IGSF3: variants seen among roughly 807,000 people sequenced by gnomAD.
IGSF3 encodes immunoglobulin superfamily member 3, also known as glu-Trp-Ile EWI motif-containing protein 3.
Under a neutral mutation model 114.4 loss-of-function variants are expected in IGSF3, and 23 were observed. The observed-to-expected ratio is 0.20, with a 90% CI of 0.14 to 0.28. IGSF3 has a LOEUF of 0.28. Among genes scored for constraint, IGSF3 ranks in the 10% least tolerant of loss-of-function variants. The pLI, the probability that IGSF3 is intolerant of heterozygous loss-of-function variation, is 1.00. For missense variants in IGSF3, 1,172 were observed against 1,591.5 expected (o/e 0.74, Z 4.48); for synonymous variants, 571 against 645.2 (o/e 0.88, Z 1.74).
rs772969537 is a variant in IGSF3, at chr1:116,577,401, G to A, written c.3496C>T (p.Leu1166=). 1.9e-6 allele frequency: 3 copies of A among 1,614,196 alleles called. No individual in the cohort carries two copies. The highest frequency in any genetic ancestry group is 2.5e-6 in the Non-Finnish European group (3 of 1,180,022). ...AGGTGTGGCTCTTTGATCCACAGCA[G>A]AGGCACCCCATTCTTCCCATCAGAG... ...KNSDGKNGVP[L]LWIKEPHLNY... Residue 1166 remains leucine (L), a synonymous_variant, in exon 11 of 11, where the codon CTG becomes TTG. Coordinates refer to ENST00000369486, the MANE Select transcript of IGSF3 (RefSeq NM_001007237.3). The surrounding 1 kb of genome is among the most constrained non-coding windows in gnomAD (Gnocchi z 5.7).
rs1648470586 is a variant in IGSF3 at position 116,647,960 on chromosome 1, T to C, written c.43+18324A>G. ...CTCTACTACAAATACAAAAATTAGC[T>C]GGGTGTGATGGCACACGCCTGTAAT... On this transcript the variant is annotated intron_variant, in intron 2 of 10. Transcript: ENST00000369486. The surrounding 1 kb of genome is among the most constrained non-coding windows in gnomAD (Gnocchi z 4.6). 6.6e-6 allele frequency among the ~76,000 whole-genome samples: 1 copy of C among 152,120 alleles called. No homozygotes were observed. Among genetic ancestry groups the C allele is most frequent in the Non-Finnish European group, 1.5e-5 (1 of 68,018 alleles).
rs746939093 is a variant in IGSF3, at chr1:116,603,924, C to G, written c.1324G>C (p.Gly442Arg). 1 of 1,614,004 alleles carries G rather than the reference C, an allele frequency of 6.2e-7. No homozygotes were observed. The highest frequency in any genetic ancestry group is 8.5e-7 in the Non-Finnish European group (1 of 1,180,016). Residue 442 changes from glycine to arginine, a missense_variant, in exon 6 of 11, where the codon GGT (glycine) becomes CGT (arginine). Gly to Arg is a moderately radical substitution (Grantham distance 125). Transcript: ENST00000369486. The surrounding 1 kb of genome is among the most constrained non-coding windows in gnomAD (Gnocchi z 7.1). ...AGCTGCCAGATGACAGAGAAGCGACCCTGCGGCCTGCCTGCCGTGCGGACA... is the reference window on the plus strand; with the variant it reads ...AGCTGCCAGATGACAGAGAAGCGACGCTGCGGCCTGCCTGCCGTGCGGACA... ...CSVRTAGRPQGRFSVIWQLVD... is the reference protein window; with the variant it reads ...CSVRTAGRPQRRFSVIWQLVD...
At chr1:116,630,107 G>A (rs1647490554) in intron 2 of IGSF3, among the ~76,000 whole-genome samples, 1 of 152,208 alleles carries the variant, frequency 6.6e-6, no homozygotes, top group Admixed American at 6.5e-5. Flanking sequence ...CAAGGGTCCT[G>A]GAGGGAATGG....
chr1:116,600,419 G>C lies in IGSF3; in HGVS notation c.1625-74C>G. The C allele has an allele frequency of 8.4e-7, 1 of 1,186,166 alleles. No individual in the cohort carries two copies. Among genetic ancestry groups the C allele is most frequent in the Non-Finnish European group, 1.2e-6 (1 of 828,402 alleles). 73.5% of individuals were successfully genotyped at this position (1,186,166 alleles called of 1,614,324 possible). A position where few individuals can be genotyped will look rare whatever the true frequency, so the allele number is the denominator to read the frequency against. On this transcript the variant is annotated intron_variant, in intron 6 of 10. Transcript: ENST00000369486. The surrounding 1 kb of genome is among the most constrained non-coding windows in gnomAD (Gnocchi z 5.5). Reference sequence around the variant, plus strand: ...CAGGGCAGTATGACATCAGCAATGGGGCAGCTGGCAAAGCAAGCAGTGTGG... The same window carrying C: ...CAGGGCAGTATGACATCAGCAATGGCGCAGCTGGCAAAGCAAGCAGTGTGG...
intron 4 of IGSF3, among the ~76,000 whole-genome samples, chr1:116,609,190 G>A (rs540026332): frequency 6.6e-6 from 1 of 152,040 alleles, no homozygotes; most frequent in African/African-American, 2.4e-5. Context: ...GACAGCCTCT[G>A]AAATGATTAC....
rs1647919525 is a variant in IGSF3 at position 116,638,112 on chromosome 1, A to G, written c.44-21655T>C. Among the ~76,000 whole-genome samples the G allele has an allele frequency of 1.3e-5, 2 of 152,096 alleles. No individual in the cohort carries two copies. The highest frequency in any genetic ancestry group is 1.3e-4 in the Admixed American group (2 of 15,276). The stretch of plus-strand genomic sequence containing the variant: ...CCCACACATCTTAAAAATAAACCAA[A>G]AATGTGTTATTCCAGCTACCCTCAC... On this transcript the variant is annotated intron_variant, in intron 2 of 10. Coordinates refer to ENST00000369486, the MANE Select transcript of IGSF3 (RefSeq NM_001007237.3). This position sits in a 1 kb window ranked among gnomAD's most constrained non-coding sequence, Gnocchi z 4.1.
chr1:116,630,329 T>C (rs1211755748), intron 2 of IGSF3, among the ~76,000 whole-genome samples: 1 of 152,224 alleles, frequency 6.6e-6, no homozygotes, highest in Non-Finnish European at 1.5e-5. Flanking sequence ...AAGTAGAGGC[T>C]TTCTCTCTGG....
chr1:116,575,741 G>A lies in IGSF3; in HGVS notation c.*1571C>T, dbSNP rs959258127. On this transcript the variant is annotated 3_prime_UTR_variant, in exon 11 of 11. Coordinates refer to ENST00000369486, the MANE Select transcript of IGSF3 (RefSeq NM_001007237.3). This position sits in a 1 kb window ranked among gnomAD's most constrained non-coding sequence, Gnocchi z 5.6. ...GTATAAGAACATCTTCATAAAGGGA[G>A]CAAAAGGAAATATTTGCAATTGATG... 1 of 152,240 alleles carries A rather than the reference G, an allele frequency of 6.6e-6. No homozygotes were observed. Among genetic ancestry groups the A allele is most frequent in the African/African-American group, 2.4e-5 (1 of 41,436 alleles). 9.4% of individuals were successfully genotyped at this position (152,240 alleles called of 1,614,324 possible).
intron 7 of IGSF3, among the ~76,000 whole-genome samples, chr1:116,590,739 T>C (rs543466130): frequency 7.8e-4 from 118 of 152,134 alleles, no homozygotes; most frequent in African/African-American, 2.7e-3. Flanking sequence ...AAGCTTGGTT[T>C]GGCAGCATCA....
Position 116,656,293 on chromosome 1 carries a change from CTTTTTTTTTTTTTTTT to C in IGSF3, c.43+9975_43+9990del, listed in dbSNP as rs56148691. Reference sequence around the variant, plus strand: ...ACTTTCACATTTTACTTTCTACATTCTTTTTTTTTTTTTTTTTTTTTTTTTTTGACGGAGTCTCACT... The same window carrying C: ...ACTTTCACATTTTACTTTCTACATTCTTTTTTTTTTTGACGGAGTCTCACT... On this transcript the variant is annotated intron_variant, in intron 2 of 10. Transcript: ENST00000369486. Among the ~76,000 whole-genome samples the C allele has an allele frequency of 4.8e-5, 3 of 62,474 alleles. No individual in the cohort carries two copies. The South Asian group carries it at 2.7e-3, about 57-fold the overall frequency. The allele number at this position is 62,474 out of a possible 152,430, so 41.0% of individuals were successfully genotyped here.
intron 2 of IGSF3, among the ~76,000 whole-genome samples, chr1:116,660,747 T>C (rs1243660358): frequency 6.6e-6 from 1 of 152,140 alleles, no homozygotes; most frequent in Non-Finnish European, 1.5e-5. Context: ...CGGCCACGTA[T>C]GCATTTTAAA....
At chr1:116,581,049 C>A (rs1312125234) in intron 9 of IGSF3, among the ~76,000 whole-genome samples, 2 of 152,208 alleles carry the variant, frequency 1.3e-5, no homozygotes, top group Non-Finnish European at 2.9e-5. Context: ...TTAAAACACC[C>A]ATGCAGTAAC....
Position 116,648,865 on chromosome 1 carries a change from C to A in IGSF3, c.43+17419G>T, listed in dbSNP as rs1276600802. Among the ~76,000 whole-genome samples the A allele has an allele frequency of 2.0e-5, 3 of 152,168 alleles. No individual in the cohort carries two copies. Among genetic ancestry groups the A allele is most frequent in the African/African-American group, 7.2e-5 (3 of 41,414 alleles). ...GCCTGTGGAGAGAGCAGCCTTCTCACCAGCACAGCTCATGAACAAGGATGC... is the reference window on the plus strand; with the variant it reads ...GCCTGTGGAGAGAGCAGCCTTCTCAACAGCACAGCTCATGAACAAGGATGC... On this transcript the variant is annotated intron_variant, in intron 2 of 10. Coordinates refer to ENST00000369486, the MANE Select transcript of IGSF3 (RefSeq NM_001007237.3). This position sits in a 1 kb window ranked among gnomAD's most constrained non-coding sequence, Gnocchi z 4.7.
In IGSF3 at chr1:116,577,233, G is replaced by C; in HGVS notation, c.*79C>G. 6.6e-7 allele frequency: 1 copy of C among 1,505,234 alleles called. No individual in the cohort carries two copies. The highest frequency in any genetic ancestry group is 9.0e-7 in the Non-Finnish European group (1 of 1,106,118). 93.2% of individuals were successfully genotyped at this position (1,505,234 alleles called of 1,614,324 possible). Reference sequence around the variant, plus strand: ...CACACACATGCACCCCAGAGTTTGGGTGCTGTCAACTGTCCAATCACAGAG... The same window carrying C: ...CACACACATGCACCCCAGAGTTTGGCTGCTGTCAACTGTCCAATCACAGAG... On this transcript the variant is annotated 3_prime_UTR_variant, in exon 11 of 11. Coordinates refer to ENST00000369486, the MANE Select transcript of IGSF3 (RefSeq NM_001007237.3). This position sits in a 1 kb window ranked among gnomAD's most constrained non-coding sequence, Gnocchi z 5.7.
At chr1:116,611,575 TC>T (rs1661024554) in intron 4 of IGSF3, among the ~76,000 whole-genome samples, 1 of 151,940 alleles carries the variant, frequency 6.6e-6, no homozygotes, top group Admixed American at 6.6e-5. Flanking sequence ...GAACTCAACA[TC>T]CGGAACTAGT....
chr1:116,666,649 C>A lies in IGSF3; in HGVS notation c.-323G>T. 1.6e-5 allele frequency: 9 copies of A among 555,554 alleles called. No homozygotes were observed. The highest frequency in any genetic ancestry group is 7.6e-5 in the African/African-American group (4 of 52,902). The allele number at this position is 555,554 out of a possible 1,614,324, so 34.4% of individuals were successfully genotyped here. A position where few individuals can be genotyped will look rare whatever the true frequency, so the allele number is the denominator to read the frequency against. ...GTAGTGGATTAATCCTCCAGAAGCA[C>A]GGAAAAAAGGGTCTGAGAAAATCCT... On this transcript the variant is annotated 5_prime_UTR_variant, in exon 2 of 11. Coordinates refer to ENST00000369486, the MANE Select transcript of IGSF3 (RefSeq NM_001007237.3).
rs184498525 is a variant in IGSF3, at chr1:116,612,633, T to C, written c.832+1132A>G. On this transcript the variant is annotated intron_variant, in intron 4 of 10. Coordinates refer to ENST00000369486, the MANE Select transcript of IGSF3 (RefSeq NM_001007237.3). This position sits in a 1 kb window ranked among gnomAD's most constrained non-coding sequence, Gnocchi z 4.1. ...AACAGGGAGCCCAAGAGACAGGTCCTGACGAAGGACCCCACCTGTACTGCA... is the reference window on the plus strand; with the variant it reads ...AACAGGGAGCCCAAGAGACAGGTCCCGACGAAGGACCCCACCTGTACTGCA... 5.3e-4 allele frequency among the ~76,000 whole-genome samples: 81 copies of C among 152,382 alleles called. 2 individuals are homozygous for C. Among genetic ancestry groups the C allele is most frequent in the African/African-American group, 1.8e-3 (76 of 41,588 alleles).
In IGSF3 at chr1:116,615,187, T is replaced by C. The variant is rs113230671; in HGVS notation, c.421+893A>G. ...TACTCGGGAGGCTGAGGCAGAAGAATTGCTTGAACCCGGGAGGTGGAGGTT... is the reference window on the plus strand; with the variant it reads ...TACTCGGGAGGCTGAGGCAGAAGAACTGCTTGAACCCGGGAGGTGGAGGTT... On this transcript the variant is annotated intron_variant, in intron 3 of 10. Coordinates refer to ENST00000369486, the MANE Select transcript of IGSF3 (RefSeq NM_001007237.3). The surrounding 1 kb of genome is among the most constrained non-coding windows in gnomAD (Gnocchi z 4.3). Among the ~76,000 whole-genome samples, 3 of 151,856 alleles carry C rather than the reference T, an allele frequency of 2.0e-5. No individual in the cohort carries two copies. Among genetic ancestry groups the C allele is most frequent in the Non-Finnish European group, 4.4e-5 (3 of 67,966 alleles).
chr1:116,597,921 G>C (rs1210470108), intron 7 of IGSF3, among the ~76,000 whole-genome samples: 3 of 152,184 alleles, frequency 2.0e-5, no homozygotes, highest in Admixed American at 6.5e-5. Context: ...ACATTATTAG[G>C]TTGTTGGATA....
Sources: allele counts gnomAD v4.1 joint callset (sites outside exome capture counted in the v4.1 genomes callset), GRCh38; gene constraint gnomAD v4.1.1; non-coding constraint Gnocchi (gnomAD v3.1); transcripts MANE v1.5; gene names NCBI Gene and HGNC (gene_info 2026-07-23, HGNC 2026-07-21).